Variants in CSMD1 observed in about 807,000 individuals in gnomAD.
CSMD1 encodes the protein CUB and Sushi multiple domains 1.
Under a neutral mutation model 417.5 loss-of-function variants are expected in CSMD1, and 213 were observed. The observed-to-expected ratio is 0.51, with a 90% CI of 0.46 to 0.57. The LOEUF (loss-of-function observed/expected upper bound fraction) is 0.57. Among genes scored for constraint, CSMD1 ranks in the 20% least tolerant of loss-of-function variants. CSMD1 has a pLI of 0.00. For synonymous variants in CSMD1, 2,862 were observed against 1,736.8 expected (o/e 1.65, Z -16.11); for missense variants, 6,923 against 4,529.7 (o/e 1.53, Z -15.17).
At chr8:3,067,148 C>A (rs763007714) in intron 49 of CSMD1, among the ~76,000 whole-genome samples, 24 of 152,116 alleles carry the variant, frequency 1.6e-4, no homozygotes, top group Non-Finnish European at 8.8e-5. Flanking sequence ...ATGCACCTCT[C>A]GACCTGTCTG....
In CSMD1 at chr8:4,955,259, T is replaced by C. The variant is rs1049288754; in HGVS notation, c.85+39073A>G. Reference sequence around the variant, plus strand: ...GCAATGCATCTTTGAAACACAGTCATCCTTAAAAACCAATAAAGTTGCATA... The same window carrying C: ...GCAATGCATCTTTGAAACACAGTCACCCTTAAAAACCAATAAAGTTGCATA... On this transcript the variant is annotated intron_variant, in intron 1 of 69. Coordinates refer to ENST00000635120, the MANE Select transcript of CSMD1 (RefSeq NM_033225.6). Among the ~76,000 whole-genome samples, 24 of 152,186 alleles carry C rather than the reference T, an allele frequency of 1.6e-4. 1 individual carries two copies. The highest frequency in any genetic ancestry group is 6.5e-5 in the Admixed American group (1 of 15,276).
chr8:4,650,471 G>C (rs944245990), intron 1 of CSMD1, among the ~76,000 whole-genome samples: 2 of 150,954 alleles, frequency 1.3e-5, no homozygotes. Context: ...CTTTTAACTT[G>C]CTCCTAAGCT....
chr8:4,673,870 G>C (rs1805507571), intron 1 of CSMD1, among the ~76,000 whole-genome samples: 1 of 152,098 alleles, frequency 6.6e-6, no homozygotes, highest in Non-Finnish European at 1.5e-5. Context: ...TGGAAGTGAG[G>C]GGCTGGGGAA....
intron 2 of CSMD1, among the ~76,000 whole-genome samples, chr8:4,446,002 G>A (rs1398601850): frequency 2.0e-5 from 3 of 152,122 alleles, no homozygotes; most frequent in African/African-American, 7.2e-5. Flanking sequence ...TTCCCTGGCA[G>A]CACCCTGACT....
At chr8:4,243,846 T>G (rs535307076) in intron 3 of CSMD1, among the ~76,000 whole-genome samples, 9 of 152,070 alleles carry the variant, frequency 5.9e-5, no homozygotes, top group Non-Finnish European at 1.3e-4. Context: ...GAAAACAGAG[T>G]AGGGACTGTG....
chr8:2,985,413 G>A lies in CSMD1; in HGVS notation c.8378-6613C>T, dbSNP rs147953544. ...TGCTACACTGCTTCACCACGTGAGGGAGGAGACTGGTGTGATACTGCTACA... is the reference window on the plus strand; with the variant it reads ...TGCTACACTGCTTCACCACGTGAGGAAGGAGACTGGTGTGATACTGCTACA... On this transcript the variant is annotated intron_variant, in intron 54 of 69. Coordinates refer to ENST00000635120, the MANE Select transcript of CSMD1 (RefSeq NM_033225.6). Among the ~76,000 whole-genome samples the A allele has an allele frequency of 1.4e-3, 212 of 150,238 alleles. 6 individuals are homozygous for A. The highest frequency in any genetic ancestry group is 0.01 in the Middle Eastern group (3 of 292).
chr8:4,346,740 ATAAAT>A (rs1185947782), intron 3 of CSMD1, among the ~76,000 whole-genome samples: 1 of 152,200 alleles, frequency 6.6e-6, no homozygotes, highest in Non-Finnish European at 1.5e-5. Flanking sequence ...AGATATAAAA[ATAAAT>A]TAACAGAATT....
intron 1 of CSMD1, among the ~76,000 whole-genome samples, chr8:4,953,731 T>G (rs1808898619): frequency 6.6e-6 from 1 of 152,158 alleles, no homozygotes; most frequent in Non-Finnish European, 1.5e-5. Context: ...GTTCCAAGAT[T>G]TGGATGGAGA....
At chr8:4,200,350 G>C (rs549022108) in intron 3 of CSMD1, among the ~76,000 whole-genome samples, 24 of 152,074 alleles carry the variant, frequency 1.6e-4, no homozygotes, top group Middle Eastern at 6.8e-3. Context: ...AGTCTGCTTA[G>C]CAAAGCATGA....
chr8:3,669,986 G>A (rs558652935), intron 7 of CSMD1, among the ~76,000 whole-genome samples: 9 of 152,230 alleles, frequency 5.9e-5, no homozygotes, highest in African/African-American at 2.2e-4. Context: ...TAAGCTATCA[G>A]GTGCAATTGC....
At chr8:4,583,479 C>A (rs563581492) in intron 2 of CSMD1, among the ~76,000 whole-genome samples, 4 of 151,630 alleles carry the variant, frequency 2.6e-5, no homozygotes, top group African/African-American at 9.7e-5. Flanking sequence ...CCTTGGAGAA[C>A]CTTTATGTCT....
At chr8:4,067,346 A>G (rs1362838831) in intron 3 of CSMD1, among the ~76,000 whole-genome samples, 1 of 152,252 alleles carries the variant, frequency 6.6e-6, no homozygotes, top group African/African-American at 2.4e-5. Context: ...GGTATAATTC[A>G]GGGAATTTTA....
intron 5 of CSMD1, among the ~76,000 whole-genome samples, chr8:3,895,249 A>G (rs1356721408): frequency 6.6e-6 from 1 of 152,202 alleles, no homozygotes; most frequent in African/African-American, 2.4e-5. Context: ...CTGTGCTTAC[A>G]ACAACAAAGA....
intron 3 of CSMD1, among the ~76,000 whole-genome samples, chr8:4,167,928 G>C (rs1563214308): frequency 2.0e-5 from 3 of 151,906 alleles, no homozygotes; most frequent in Admixed American, 2.0e-4. Flanking sequence ...AGGAGTTCAA[G>C]ACCAGCCTGG....
chr8:3,294,230 C>T (rs1439977149), intron 25 of CSMD1, among the ~76,000 whole-genome samples: 1 of 110,212 alleles, frequency 9.1e-6, no homozygotes, highest in Admixed American at 8.9e-5. Flanking sequence ...TCTGTTGGCC[C>T]CTACTGGGGG....
chr8:3,906,293 GA>G (rs67199666), intron 5 of CSMD1, among the ~76,000 whole-genome samples: 79,045 of 150,098 alleles, frequency 0.53, 24,097 homozygotes, highest in South Asian at 0.66. Flanking sequence ...TTGTCATAGG[GA>G]AAAAAAAAAC....
intron 25 of CSMD1, chr8:3,284,594 T>A: frequency 2.0e-6 from 1 of 490,278 alleles, no homozygotes. Flanking sequence ...AGCTAGATGC[T>A]GAGCTATCCA....
intron 1 of CSMD1, among the ~76,000 whole-genome samples, chr8:4,824,981 A>C (rs972716744): frequency 6.6e-5 from 10 of 152,242 alleles, no homozygotes; most frequent in Admixed American, 5.9e-4. Context: ...TCTCTTTGGA[A>C]AGTGAGCGAA....
At chr8:4,816,407 G>A (rs913023091) in intron 1 of CSMD1, among the ~76,000 whole-genome samples, 5 of 151,910 alleles carry the variant, frequency 3.3e-5, no homozygotes, top group African/African-American at 1.2e-4. Flanking sequence ...CTGTGGGGTG[G>A]TGGAGTGAGG....
Sources: gnomAD v4.1 joint callset for allele counts (sites outside exome capture counted in the v4.1 genomes callset) on GRCh38, gnomAD v4.1.1 for gene constraint, MANE v1.5 for transcripts, NCBI Gene and HGNC (gene_info 2026-07-23, HGNC 2026-07-21) for gene names.